Variants in GALNT18 observed in about 807,000 individuals in gnomAD.
The protein encoded by GALNT18 is polypeptide N-acetylgalactosaminyltransferase 18, also known as GalNAc-transferase 18.
GALNT18 carries 44 observed loss-of-function variants against 69.5 expected under a neutral mutation model. That is an observed-to-expected ratio of 0.63 (90% confidence interval 0.50 to 0.81). The LOEUF (loss-of-function observed/expected upper bound fraction) is 0.81, where lower values mean the gene tolerates loss of function less well. Ranked by LOEUF, GALNT18 falls within the 40% of genes least tolerant of loss-of-function variation. GALNT18 has a pLI of 0.00. For missense variants in GALNT18, 715 were observed against 810.0 expected (o/e 0.88, Z 1.42); for synonymous variants, 364 against 318.2 (o/e 1.14, Z -1.53).
intron 1 of GALNT18, among the ~76,000 whole-genome samples, chr11:11,489,680 A>C (rs1856721323): frequency 6.6e-6 from 1 of 152,214 alleles, no homozygotes; most frequent in Admixed American, 6.5e-5. Context: ...CATCTATCAG[A>C]TGATGATGAT....
intron 1 of GALNT18, among the ~76,000 whole-genome samples, chr11:11,544,031 C>T (rs976388607): frequency 6.6e-6 from 1 of 152,250 alleles, no homozygotes; most frequent in Non-Finnish European, 1.5e-5. Context: ...CACAAGGCTT[C>T]CTCGTCAGCA....
At chr11:11,501,152 T>C (rs1856965423) in intron 1 of GALNT18, among the ~76,000 whole-genome samples, 2 of 152,230 alleles carry the variant, frequency 1.3e-5, no homozygotes, top group Non-Finnish European at 2.9e-5. Context: ...AATCCCATAT[T>C]CAGAAGGTAA....
At chr11:11,554,790 C>A (rs1254733430) in intron 1 of GALNT18, among the ~76,000 whole-genome samples, 1 of 152,138 alleles carries the variant, frequency 6.6e-6, no homozygotes. Flanking sequence ...CCCCTAGACA[C>A]TCTACTTATG....
intron 10 of GALNT18, among the ~76,000 whole-genome samples, chr11:11,292,262 G>T (rs563989380): frequency 5.9e-5 from 9 of 152,212 alleles, no homozygotes; most frequent in African/African-American, 2.2e-4. Context: ...GGCTGAAAAT[G>T]GATCCTACCT....
intron 1 of GALNT18, among the ~76,000 whole-genome samples, chr11:11,473,956 T>C (rs1432649557): frequency 6.6e-6 from 1 of 152,132 alleles, no homozygotes; most frequent in Non-Finnish European, 1.5e-5. Context: ...TCCCAGCTAC[T>C]TGGGAGGCTG....
Position 11,271,242 on chromosome 11 carries a change from C to G in GALNT18, c.1726G>C (p.Glu576Gln). 6.2e-7 allele frequency: 1 copy of G among 1,614,114 alleles called. No individual in the cohort carries two copies. The highest frequency in any genetic ancestry group is 1.1e-5 in the South Asian group (1 of 91,078). ...RKSKRCLELQ[E>Q]NSDLEFGFQL... ...AAGCCGAACTCCAGGTCGCTATTCT[C>G]CTGCAGCTCCAGACAGCGCTTAGAC... Residue 576 changes from glutamate to glutamine, a missense_variant, in exon 11 of 11, where the codon GAG (glutamate) becomes CAG (glutamine). Physicochemically the swap from Glu to Gln is conservative, Grantham distance 29. Coordinates refer to ENST00000227756, the MANE Select transcript of GALNT18 (RefSeq NM_198516.3).
At chr11:11,302,303 A>G (rs1413691465) in intron 9 of GALNT18, among the ~76,000 whole-genome samples, 1 of 152,060 alleles carries the variant, frequency 6.6e-6, no homozygotes, top group Non-Finnish European at 1.5e-5. Context: ...CAAGACAAAG[A>G]ATGGGTGCCC....
chr11:11,442,832 C>T (rs1360173041), intron 2 of GALNT18, among the ~76,000 whole-genome samples: 2 of 152,210 alleles, frequency 1.3e-5, no homozygotes, highest in Admixed American at 6.5e-5. Context: ...TCCATCCTAA[C>T]CCCTGGGAGG....
chr11:11,405,919 A>T lies in GALNT18; in HGVS notation c.596-26655T>A, dbSNP rs534240977. ...CAGCCTTACTGCTGCACTAGTCCTA[A>T]TTTGATTTTTAGCACCTTCAACATG... On this transcript the variant is annotated intron_variant, in intron 3 of 10. Transcript: ENST00000227756. Among the ~76,000 whole-genome samples, 8 of 152,264 alleles carry T rather than the reference A, an allele frequency of 5.3e-5. No homozygotes were observed. In the South Asian group the frequency reaches 1.7e-3, roughly 32 times the overall value.
At chr11:11,297,792 TG>T (rs1272813856) in intron 9 of GALNT18, among the ~76,000 whole-genome samples, 1 of 152,206 alleles carries the variant, frequency 6.6e-6, no homozygotes, top group African/African-American at 2.4e-5. Flanking sequence ...CCTCCTCAGC[TG>T]CCAATGATTG....
At chr11:11,349,250 C>T (rs1000816030) in intron 6 of GALNT18, among the ~76,000 whole-genome samples, 2 of 152,292 alleles carry the variant, frequency 1.3e-5, no homozygotes, top group African/African-American at 2.4e-5. Flanking sequence ...TGGTGCTCCT[C>T]GGAACGCGCT....
chr11:11,312,492 G>C (rs1242051156), intron 9 of GALNT18, among the ~76,000 whole-genome samples: 2 of 152,204 alleles, frequency 1.3e-5, no homozygotes, highest in Non-Finnish European at 2.9e-5. Flanking sequence ...ATGGTGGGTG[G>C]AGGGCATCTT....
rs371054190 is a variant in GALNT18 at position 11,321,885 on chromosome 11, G to T, written c.1512+5201C>A. On this transcript the variant is annotated intron_variant, in intron 9 of 10. Transcript: ENST00000227756. ...CTCCCAAAGTGCTAGGATTACAGGC[G>T]TGAGCCACCACACCTGGCCTATGGG... Among the ~76,000 whole-genome samples the T allele has an allele frequency of 1.5e-3, 225 of 152,320 alleles. 3 individuals are homozygous for T. The highest frequency in any genetic ancestry group is 5.2e-3 in the African/African-American group (216 of 41,562).
At chr11:11,539,826 A>T (rs1379882834) in intron 1 of GALNT18, among the ~76,000 whole-genome samples, 1 of 152,234 alleles carries the variant, frequency 6.6e-6, no homozygotes, top group Non-Finnish European at 1.5e-5. Flanking sequence ...AGTGTTGGAA[A>T]CTGCTGTCAA....
At chr11:11,453,770 C>T (rs1297956889) in intron 1 of GALNT18, among the ~76,000 whole-genome samples, 2 of 152,228 alleles carry the variant, frequency 1.3e-5, no homozygotes, top group Non-Finnish European at 2.9e-5. Context: ...TGTGCTTTTG[C>T]TCCTCTTTCA....
intron 1 of GALNT18, among the ~76,000 whole-genome samples, chr11:11,468,272 T>G (rs886751844): frequency 3.9e-5 from 6 of 152,188 alleles, no homozygotes; most frequent in Non-Finnish European, 8.8e-5. Flanking sequence ...TCATCTTCCC[T>G]GCCTGAGCAT....
chr11:11,408,815 G>A (rs1320273598), intron 3 of GALNT18, among the ~76,000 whole-genome samples: 2 of 152,152 alleles, frequency 1.3e-5, no homozygotes, highest in Non-Finnish European at 2.9e-5. Context: ...CACAGGATGA[G>A]TATATATGGC....
intron 1 of GALNT18, among the ~76,000 whole-genome samples, chr11:11,478,454 A>G (rs1946947635): frequency 6.6e-6 from 1 of 152,240 alleles, no homozygotes; most frequent in Non-Finnish European, 1.5e-5. Context: ...GGTTCAGCCC[A>G]GGAGCAGGAT....
intron 6 of GALNT18, among the ~76,000 whole-genome samples, chr11:11,369,236 T>G (rs11021821): frequency 0.2 from 30,594 of 152,148 alleles, 3,829 homozygotes; most frequent in East Asian, 0.4. Context: ...TAAAACAGCA[T>G]AAATTTATTC....
Sources: allele counts gnomAD v4.1 joint callset (sites outside exome capture counted in the v4.1 genomes callset), GRCh38; gene constraint gnomAD v4.1.1; transcripts MANE v1.5; gene names NCBI Gene and HGNC (gene_info 2026-07-23, HGNC 2026-07-21).